Variants in TTLL6 observed in about 807,000 individuals in gnomAD.
The protein encoded by TTLL6 is tubulin polyglutamylase TTLL6.
A neutral mutation model predicts 96.4 loss-of-function variants in TTLL6; 75 were observed. The ratio of observed to expected loss-of-function variants is 0.78; its 90% CI spans 0.65 to 0.94. TTLL6 has a LOEUF of 0.94. Ranked by LOEUF, TTLL6 falls within the 40% of genes least tolerant of loss-of-function variation. The pLI, the probability that TTLL6 is intolerant of heterozygous loss-of-function variation, is 0.00. For missense variants in TTLL6, 1,030 were observed against 1,093.0 expected (o/e 0.94, Z 0.81); for synonymous variants, 411 against 419.4 (o/e 0.98, Z 0.24).
chr17:48,817,049 A>G lies in TTLL6; in HGVS notation c.24T>C (p.Pro8=). The change falls in exon 1 of 16, where the codon CCT becomes CCC. Residue 8 remains proline (P), a synonymous_variant. Coordinates refer to ENST00000393382, the MANE Select transcript of TTLL6 (RefSeq NM_001130918.3). The part of the protein sequence containing the change: MGALLLH[P]SRRGPAGVVA... ...CCACACCTGCCGGCCCCCTCCTCGA[A>G]GGATGAAGGAGTAACGCTCCCATTG... 1.3e-6 allele frequency: 2 copies of G among 1,544,568 alleles called. No individual in the cohort carries two copies. The highest frequency in any genetic ancestry group is 1.7e-6 in the Non-Finnish European group (2 of 1,145,824).
chr17:48,807,647 G>T (rs2143475483), intron 1 of TTLL6, among the ~76,000 whole-genome samples: 1 of 149,758 alleles, frequency 6.7e-6, no homozygotes, highest in Non-Finnish European at 1.5e-5. Context: ...AAGAAGCTGG[G>T]ATTACAGGCA....
chr17:48,782,260 C>G (rs1022326256), intron 13 of TTLL6, among the ~76,000 whole-genome samples: 7 of 152,168 alleles, frequency 4.6e-5, no homozygotes, highest in African/African-American at 1.7e-4. Context: ...CGCGCACCAC[C>G]ACGCCTGGCT....
intron 1 of TTLL6, among the ~76,000 whole-genome samples, chr17:48,807,939 C>T (rs934281667): frequency 2.0e-5 from 3 of 151,848 alleles, no homozygotes; most frequent in African/African-American, 7.3e-5. Flanking sequence ...CCTGGGTTCA[C>T]GCCATTCTCC....
intron 13 of TTLL6, among the ~76,000 whole-genome samples, chr17:48,772,528 G>A (rs958206342): frequency 4.6e-5 from 7 of 151,800 alleles, no homozygotes; most frequent in Non-Finnish European, 7.4e-5. Flanking sequence ...TCAAGAGATC[G>A]AGACCATCCT....
intron 13 of TTLL6, among the ~76,000 whole-genome samples, chr17:48,774,230 GTTGTTTTTTTTT>G (rs2038821458): frequency 8.5e-6 from 1 of 117,742 alleles, no homozygotes; most frequent in Non-Finnish European, 1.7e-5. Flanking sequence ...ATCCAGGTTT[GTTGTTTTTTTTT>G]TTTTTTTTTT....
Position 48,786,171 on chromosome 17 carries a change from G to T in TTLL6, c.1754C>A (p.Ser585Tyr), listed in dbSNP as rs1486185683. The T allele has an allele frequency of 1.2e-6, 2 of 1,614,110 alleles. No homozygotes were observed. The highest frequency in any genetic ancestry group is 1.7e-6 in the Non-Finnish European group (2 of 1,180,046). Reference sequence around the variant, plus strand: ...CCCTCAATCCAGGTTTACCTGTTTGGAGGCTTGGGTGGCGGCCTTGTCTTT... The same window carrying T: ...CCCTCAATCCAGGTTTACCTGTTTGTAGGCTTGGGTGGCGGCCTTGTCTTT... ...QQKDKAATQASKQYIQPLTLV... is the reference protein window; with the variant it reads ...QQKDKAATQAYKQYIQPLTLV... The change falls in exon 12 of 16, where the codon TCC becomes TAC. Residue 585 changes from serine to tyrosine, a missense_variant. Physicochemically the swap from Ser to Tyr is moderately radical, Grantham distance 144. Coordinates refer to ENST00000393382, the MANE Select transcript of TTLL6 (RefSeq NM_001130918.3).
Position 48,785,204 on chromosome 17 carries a change from G to C in TTLL6, c.1762-3C>G, listed in dbSNP as rs769986153. The C allele has an allele frequency of 6.2e-7, 1 of 1,614,076 alleles. No individual in the cohort carries two copies. Among genetic ancestry groups the C allele is most frequent in the South Asian group, 1.1e-5 (1 of 91,060 alleles). On this transcript the variant is annotated splice_polypyrimidine_tract_variant and splice_region_variant and intron_variant, in intron 12 of 15. Transcript: ENST00000393382. ...ACTAATGTCAATGGCTGGATGTACT[G>C]AGGGAGGAAGAAACCACAACACACA...
In TTLL6 at chr17:48,798,976, T is replaced by C. The variant is rs561648084; in HGVS notation, c.768+628A>G. Among the ~76,000 whole-genome samples, 5 of 152,064 alleles carry C rather than the reference T, an allele frequency of 3.3e-5. No homozygotes were observed. In the East Asian group the frequency reaches 9.8e-4, roughly 30 times the overall value. On this transcript the variant is annotated intron_variant, in intron 6 of 15. Coordinates refer to ENST00000393382, the MANE Select transcript of TTLL6 (RefSeq NM_001130918.3). Reference sequence around the variant, plus strand: ...TCTAGAGTAGCTGGGACTACAGGCATGTGCCACCACGCCTGGCTAATTTTT... The same window carrying C: ...TCTAGAGTAGCTGGGACTACAGGCACGTGCCACCACGCCTGGCTAATTTTT...
chr17:48,789,937 T>G lies in TTLL6; in HGVS notation c.1394A>C (p.Glu465Ala). Residue 465 changes from glutamate to alanine, a missense_variant, in exon 10 of 16, where the codon GAG becomes GCG. Glu to Ala is a moderately radical substitution (Grantham distance 107). Transcript: ENST00000393382. Reference sequence around the variant, plus strand: ...CTGGGGAGTGCGAATGTACCTCATCTCCCGAGAACAACACTGCTGCAGGAA... The same window carrying G: ...CTGGGGAGTGCGAATGTACCTCATCGCCCGAGAACAACACTGCTGCAGGAA... Reference protein sequence around the residue: ...GQFLQQCCSREMRIEEAKGFR... With the variant: ...GQFLQQCCSRAMRIEEAKGFR... The G allele has an allele frequency of 6.2e-7, 1 of 1,613,776 alleles. No individual in the cohort carries two copies. Among genetic ancestry groups the G allele is most frequent in the Non-Finnish European group, 8.5e-7 (1 of 1,179,900 alleles).
chr17:48,807,827 G>GTTTGT (rs1011824749), intron 1 of TTLL6, among the ~76,000 whole-genome samples: 13 of 149,854 alleles, frequency 8.7e-5, no homozygotes, highest in African/African-American at 2.7e-4. Context: ...TAGTTTTTTT[G>GTTTGT]TTTGTTTTGT....
rs1447455492 is a variant in TTLL6 at position 48,799,722 on chromosome 17, T to A, written c.650A>T (p.Asn217Ile). 2 of 1,551,728 alleles carry A rather than the reference T, an allele frequency of 1.3e-6. No individual in the cohort carries two copies. The highest frequency in any genetic ancestry group is 2.0e-5 in the Admixed American group (1 of 51,010). Residue 217 changes from asparagine (N) to isoleucine (I), a missense_variant, in exon 6 of 16, where the codon AAT becomes ATT. Physicochemically the swap from Asn to Ile is moderately radical, Grantham distance 149 (BLOSUM62 -3). Coordinates refer to ENST00000393382, the MANE Select transcript of TTLL6 (RefSeq NM_001130918.3). Reference protein sequence around the residue: ...DLQTYSRSRKNKTYICKPDSG... With the variant: ...DLQTYSRSRKIKTYICKPDSG... ...ATCCGGCTTACAAATGTATGTCTTA[T>A]TTTTTCTTGACCTGCTGTAGGTCTG...
chr17:48,774,815 T>C (rs1329132977), intron 13 of TTLL6, among the ~76,000 whole-genome samples: 2 of 152,126 alleles, frequency 1.3e-5, no homozygotes, highest in Non-Finnish European at 2.9e-5. Flanking sequence ...TCTGGAGAAT[T>C]CTATCCAAAT....
Position 48,789,966 on chromosome 17 carries a change from C to A in TTLL6, c.1365G>T (p.Gly455=), listed in dbSNP as rs1172061205. 1 of 1,614,174 alleles carries A rather than the reference C, an allele frequency of 6.2e-7. No individual in the cohort carries two copies. Among genetic ancestry groups the A allele is most frequent in the Admixed American group, 1.7e-5 (1 of 60,020 alleles). Residue 455 remains glycine, a synonymous_variant, in exon 10 of 16, where the codon GGG becomes GGT. Coordinates refer to ENST00000393382, the MANE Select transcript of TTLL6 (RefSeq NM_001130918.3). ...GAGAACAACACTGCTGCAGGAACTGCCCCCGTTGTCTCTCCTCCTCCAAGA... is the reference window on the plus strand; with the variant it reads ...GAGAACAACACTGCTGCAGGAACTGACCCCGTTGTCTCTCCTCCTCCAAGA... ...KKVLEEERQR[G]QFLQQCCSRE... is the part of the protein sequence containing the mutation.
At chr17:48,774,112 A>G (rs974817011) in intron 13 of TTLL6, among the ~76,000 whole-genome samples, 9 of 147,884 alleles carry the variant, frequency 6.1e-5, no homozygotes, top group African/African-American at 2.3e-4. Flanking sequence ...AAAAAAAAAA[A>G]CAAGAAAAGT....
intron 13 of TTLL6, among the ~76,000 whole-genome samples, chr17:48,775,820 C>A (rs943547578): frequency 1.3e-5 from 2 of 152,036 alleles, no homozygotes; most frequent in Non-Finnish European, 2.9e-5. Flanking sequence ...GGATTACAGG[C>A]GTGAGCCACT....
intron 13 of TTLL6, among the ~76,000 whole-genome samples, chr17:48,774,233 GTTT>G (rs1218981467): frequency 1.8e-4 from 20 of 112,936 alleles, no homozygotes; most frequent in South Asian, 2.8e-4. Context: ...CAGGTTTGTT[GTTT>G]TTTTTTTTTT....
In TTLL6 at chr17:48,784,780, C is replaced by T. The variant is rs528343577; in HGVS notation, c.2040+143G>A. 416 of 643,690 alleles carry T rather than the reference C, an allele frequency of 6.5e-4. 2 individuals carry two copies. In the African/African-American group the frequency reaches 6.5e-3, roughly 10 times the overall value. 39.9% of individuals were successfully genotyped at this position (643,690 alleles called of 1,614,324 possible). ...TCCTCCCAGCAGCTATGCCATTCCA[C>T]AGTGTGGGCTTCTCAAGGGGAGACA... On this transcript the variant is annotated intron_variant, in intron 13 of 15. Transcript: ENST00000393382.
At chr17:48,813,791 AT>A (rs1410519072) in intron 1 of TTLL6, among the ~76,000 whole-genome samples, 1 of 152,022 alleles carries the variant, frequency 6.6e-6, no homozygotes, top group Non-Finnish European at 1.5e-5. Flanking sequence ...TAATTAGAAT[AT>A]TTTCTAAGCT....
rs543259391 is a variant in TTLL6, at chr17:48,799,691, G to A, written c.681C>T (p.Gly227=). The part of the protein sequence containing the change: ...NKTYICKPDS[G]CQGKGIFITR... The stretch of plus-strand genomic sequence containing the variant: ...TGATGAATATACCTTTCCCTTGGCA[G>A]CCCGAATCCGGCTTACAAATGTATG... The change falls in exon 6 of 16, where the codon GGC becomes GGT. Residue 227 remains glycine, a synonymous_variant. Transcript: ENST00000393382. 588 of 1,551,724 alleles carry A rather than the reference G, an allele frequency of 3.8e-4. 1 individual carries two copies. The highest frequency in any genetic ancestry group is 4.8e-4 in the Non-Finnish European group (547 of 1,146,962).
Sources: allele counts gnomAD v4.1 joint callset (sites outside exome capture counted in the v4.1 genomes callset), GRCh38; gene constraint gnomAD v4.1.1; transcripts MANE v1.5; gene names NCBI Gene and HGNC (gene_info 2026-07-23, HGNC 2026-07-21).